The following PTPRT variants were observed in gnomAD, a reference collection of about 807,000 sequenced individuals.
PTPRT encodes the protein protein tyrosine phosphatase receptor type T.
Under a neutral mutation model 176.8 loss-of-function variants are expected in PTPRT, and 56 were observed. The observed-to-expected ratio is 0.32, with a 90% CI of 0.26 to 0.40. The LOEUF (loss-of-function observed/expected upper bound fraction) is 0.40. Among genes scored for constraint, PTPRT ranks in the 10% least tolerant of loss-of-function variants. The pLI is 1.00. For missense variants in PTPRT, 1,540 were observed against 1,908.2 expected (o/e 0.81, Z 3.60); for synonymous variants, 783 against 739.0 (o/e 1.06, Z -0.96).
chr20:42,495,439 TTCTC>T (rs917228473), intron 7 of PTPRT, among the ~76,000 whole-genome samples: 2 of 152,110 alleles, frequency 1.3e-5, no homozygotes, highest in Non-Finnish European at 2.9e-5. Context: ...CACCTATACT[TTCTC>T]TCTTTATTTG....
At chr20:42,225,671 G>C (rs2055990556) in intron 15 of PTPRT, among the ~76,000 whole-genome samples, 1 of 152,072 alleles carries the variant, frequency 6.6e-6, no homozygotes, top group African/African-American at 2.4e-5. Context: ...ATTTATTTTA[G>C]ACAAAATCTC....
chr20:42,510,974 C>G (rs1030770045), intron 7 of PTPRT, among the ~76,000 whole-genome samples: 1 of 152,010 alleles, frequency 6.6e-6, no homozygotes, highest in African/African-American at 2.4e-5. Flanking sequence ...GACGGCTCTG[C>G]CCTGATGAAT....
At chr20:42,756,879 G>C (rs1389171012) in intron 5 of PTPRT, among the ~76,000 whole-genome samples, 1 of 151,952 alleles carries the variant, frequency 6.6e-6, no homozygotes, top group African/African-American at 2.4e-5. Flanking sequence ...GCAAGACCTT[G>C]CCTCTACAAG....
intron 1 of PTPRT, among the ~76,000 whole-genome samples, chr20:43,037,618 G>A (rs911136317): frequency 6.6e-6 from 1 of 152,180 alleles, no homozygotes; most frequent in Admixed American, 6.5e-5. Context: ...GTCTTATCCA[G>A]AATTCTGAAA....
chr20:43,036,067 A>G (rs557249479), intron 1 of PTPRT, among the ~76,000 whole-genome samples: 12 of 152,328 alleles, frequency 7.9e-5, no homozygotes, highest in Admixed American at 7.8e-4. Context: ...GGACAAAGGC[A>G]AATGCAGCTG....
At chr20:42,586,129 A>G (rs1383372805) in intron 7 of PTPRT, among the ~76,000 whole-genome samples, 1 of 152,142 alleles carries the variant, frequency 6.6e-6, no homozygotes, top group Non-Finnish European at 1.5e-5. Flanking sequence ...TTCCCTACAA[A>G]TCCTGATTAA....
At chr20:42,884,742 G>A (rs1315492931) in intron 2 of PTPRT, among the ~76,000 whole-genome samples, 1 of 152,142 alleles carries the variant, frequency 6.6e-6, no homozygotes, top group East Asian at 1.9e-4. Context: ...ACAGGTGTGG[G>A]TTAAAGTGAG....
chr20:42,846,602 C>T (rs993348231), intron 2 of PTPRT, among the ~76,000 whole-genome samples: 1 of 152,174 alleles, frequency 6.6e-6, no homozygotes, highest in Non-Finnish European at 1.5e-5. Flanking sequence ...ATTTGGTGAG[C>T]CTCAAACACC....
At chr20:42,593,768 A>G (rs898890798) in intron 7 of PTPRT, among the ~76,000 whole-genome samples, 1 of 152,232 alleles carries the variant, frequency 6.6e-6, no homozygotes, top group Non-Finnish European at 1.5e-5. Context: ...GCTATCTTGG[A>G]ACTGTTTCCT....
intron 12 of PTPRT, among the ~76,000 whole-genome samples, chr20:42,308,754 G>A (rs1293455708): frequency 6.6e-6 from 1 of 152,154 alleles, no homozygotes; most frequent in African/African-American, 2.4e-5. Flanking sequence ...TCAACTCTCA[G>A]TTCTTTCCAC....
chr20:43,137,736 G>C (rs185571127), intron 1 of PTPRT, among the ~76,000 whole-genome samples: 1 of 152,304 alleles, frequency 6.6e-6, no homozygotes, highest in Non-Finnish European at 1.5e-5. Context: ...AGGCACCTTA[G>C]GCTGACCCTG....
At chr20:43,068,876 A>G (rs555725318) in intron 1 of PTPRT, among the ~76,000 whole-genome samples, 1 of 152,200 alleles carries the variant, frequency 6.6e-6, no homozygotes, top group Admixed American at 6.5e-5. Flanking sequence ...AAAAGCATGG[A>G]GGAGGAGACA....
At chr20:42,810,125 G>A (rs556181291) in intron 2 of PTPRT, among the ~76,000 whole-genome samples, 3 of 152,048 alleles carry the variant, frequency 2.0e-5, no homozygotes, top group South Asian at 2.1e-4. Context: ...AAACCCCATC[G>A]CTACTAAAAT....
chr20:43,025,374 G>A (rs6030607), intron 1 of PTPRT, among the ~76,000 whole-genome samples: 4,358 of 152,270 alleles, frequency 0.029, 236 homozygotes, highest in African/African-American at 0.1. Flanking sequence ...CTTCCAGAAC[G>A]CAGTCCATCC....
intron 7 of PTPRT, among the ~76,000 whole-genome samples, chr20:42,639,191 G>C (rs115309580): frequency 5.6e-4 from 85 of 152,200 alleles, no homozygotes; most frequent in African/African-American, 1.9e-3. Context: ...CCCACTCACA[G>C]GTGCTCTGTA....
intron 6 of PTPRT, among the ~76,000 whole-genome samples, chr20:42,689,285 G>T (rs1053671298): frequency 2.0e-5 from 3 of 152,218 alleles, no homozygotes; most frequent in Non-Finnish European, 4.4e-5. Context: ...AAAGACAGAA[G>T]AGAAAGGATG....
rs893573350 is a variant in PTPRT at position 42,076,206 on chromosome 20, G to A, written c.*4673C>T. On this transcript the variant is annotated 3_prime_UTR_variant, in exon 31 of 31. Transcript: ENST00000373187. The stretch of plus-strand genomic sequence containing the variant: ...ATTTCCTAATAGTGCCCCCTCCAAG[G>A]TGCTAGGTGCTGTAGGCACCCAGTA... 2 of 205,880 alleles carry A rather than the reference G, an allele frequency of 9.7e-6. No individual in the cohort carries two copies. The highest frequency in any genetic ancestry group is 6.0e-5 in the Admixed American group (1 of 16,764). The allele number at this position is 205,880 out of a possible 1,614,324, so 12.8% of individuals were successfully genotyped here.
At chr20:42,975,465 T>G (rs1176753044) in intron 1 of PTPRT, among the ~76,000 whole-genome samples, 1 of 152,248 alleles carries the variant, frequency 6.6e-6, no homozygotes, top group African/African-American at 2.4e-5. Context: ...TTTTCCAGAC[T>G]TTATGGATAG....
At chr20:42,180,693 T>C (rs1990480712) in intron 16 of PTPRT, among the ~76,000 whole-genome samples, 1 of 152,192 alleles carries the variant, frequency 6.6e-6, no homozygotes, top group Admixed American at 6.5e-5. Flanking sequence ...GTTCAGAAGC[T>C]TGTTACACTC....
Sources: allele counts gnomAD v4.1 joint callset (sites outside exome capture counted in the v4.1 genomes callset), GRCh38; gene constraint gnomAD v4.1.1; transcripts MANE v1.5; gene names NCBI Gene and HGNC (gene_info 2026-07-23, HGNC 2026-07-21).